ASCC3: variants seen among roughly 807,000 people sequenced by gnomAD.
ASCC3 encodes activating signal cointegrator 1 complex subunit 3.
A neutral mutation model predicts 256.3 loss-of-function variants in ASCC3; 158 were observed. The observed-to-expected ratio is 0.62, with a 90% CI of 0.54 to 0.70. ASCC3 has a LOEUF of 0.70. ASCC3 is among the 30% of genes least tolerant of loss of function. The probability of loss-of-function intolerance (pLI) is 0.00; values close to 1 mark genes in which losing one functional copy is unlikely to be tolerated. For synonymous variants in ASCC3, 948 were observed against 883.4 expected, an observed-to-expected ratio of 1.07 and a Z score of -1.30; for missense variants, 2,259 against 2,626.0, an observed-to-expected ratio of 0.86 and a Z score of 3.05.
At chr6:100,868,480 A>C (rs1582989507) in intron 1 of ASCC3, among the ~76,000 whole-genome samples, 1 of 152,196 alleles carries the variant, frequency 6.6e-6, no homozygotes, top group East Asian at 1.9e-4. Context: ...CTTGGCTTAA[A>C]AGATGCCTCC....
At chr6:100,702,724 T>TA (rs1203302334) in intron 13 of ASCC3, among the ~76,000 whole-genome samples, 1 of 152,154 alleles carries the variant, frequency 6.6e-6, no homozygotes, top group Non-Finnish European at 1.5e-5. Context: ...AGGTAAAAGG[T>TA]AAAATCAGCA....
chr6:100,735,233 T>C (rs951039572), intron 10 of ASCC3, among the ~76,000 whole-genome samples: 2 of 152,140 alleles, frequency 1.3e-5, no homozygotes, highest in African/African-American at 4.8e-5. Flanking sequence ...CCAATATCCA[T>C]TTTCTTTTCA....
intron 36 of ASCC3, among the ~76,000 whole-genome samples, chr6:100,561,213 C>T (rs1159167360): frequency 6.6e-6 from 1 of 151,868 alleles, no homozygotes; most frequent in African/African-American, 2.4e-5. Context: ...AATAAGCTCT[C>T]TAGCACGTTA....
intron 36 of ASCC3, among the ~76,000 whole-genome samples, chr6:100,582,828 C>G (rs545436998): frequency 0.033 from 5,001 of 151,952 alleles, 252 homozygotes; most frequent in African/African-American, 0.11. Context: ...GGCCTTTCCT[C>G]CATCTATTGA....
intron 4 of ASCC3, among the ~76,000 whole-genome samples, chr6:100,809,158 C>A (rs1562312170): frequency 6.6e-6 from 1 of 151,212 alleles, no homozygotes; most frequent in Non-Finnish European, 1.5e-5. Flanking sequence ...TTTGGCTACA[C>A]TACATTTATT....
Position 100,583,806 on chromosome 6 carries a change from C to T in ASCC3, c.5550+5828G>A, listed in dbSNP as rs1304208475. Among the ~76,000 whole-genome samples the T allele has an allele frequency of 2.6e-5, 4 of 152,220 alleles. 1 individual carries two copies. Among genetic ancestry groups the T allele is most frequent in the Middle Eastern group, 6.8e-3 (2 of 294 alleles). On this transcript the variant is annotated intron_variant, in intron 36 of 41. Coordinates refer to ENST00000369162, the MANE Select transcript of ASCC3 (RefSeq NM_006828.4). ...TGTGTGTCTTTGTTCTCGTTGGTTTCAAAGAACATCTTTATTTCTGCCTTC... is the reference window on the plus strand; with the variant it reads ...TGTGTGTCTTTGTTCTCGTTGGTTTTAAAGAACATCTTTATTTCTGCCTTC...
At chr6:100,641,576 C>G (rs759774059) in intron 24 of ASCC3, among the ~76,000 whole-genome samples, 3 of 152,194 alleles carry the variant, frequency 2.0e-5, no homozygotes, top group Non-Finnish European at 2.9e-5. Context: ...GGACTGTAAA[C>G]TAGTTCAACC....
intron 24 of ASCC3, among the ~76,000 whole-genome samples, chr6:100,640,385 T>C (rs974369779): frequency 7.9e-5 from 12 of 152,176 alleles, no homozygotes; most frequent in African/African-American, 2.9e-4. Flanking sequence ...GGTTACTTTG[T>C]ATATGTCTAA....
intron 14 of ASCC3, among the ~76,000 whole-genome samples, chr6:100,671,077 C>T (rs1322325174): frequency 6.6e-6 from 1 of 151,994 alleles, no homozygotes; most frequent in African/African-American, 2.4e-5. Flanking sequence ...GTGTATATAA[C>T]ATGATGCAAC....
At chr6:100,699,820 T>C (rs185684724) in intron 13 of ASCC3, among the ~76,000 whole-genome samples, 6 of 152,266 alleles carry the variant, frequency 3.9e-5, no homozygotes, top group Admixed American at 2.6e-4. Context: ...GCCCTTGCCA[T>C]AGAGATTTGT....
rs1777107439 is a variant in ASCC3 at position 100,677,890 on chromosome 6, GTTAT to G, written c.2286+1724_2286+1727del. 8.5e-5 allele frequency among the ~76,000 whole-genome samples: 13 copies of G among 152,122 alleles called. No individual in the cohort carries two copies. The South Asian group carries it at 2.7e-3, about 32-fold the overall frequency. Reference sequence around the variant, plus strand: ...TTGTATCAAAACTTTCCGTTTCTCTGTTATTTTTCTTCCAGCATAGTGATCTGTG... The same window carrying G: ...TTGTATCAAAACTTTCCGTTTCTCTGTTTTCTTCCAGCATAGTGATCTGTG... On this transcript the variant is annotated intron_variant, in intron 14 of 41. Transcript: ENST00000369162.
At chr6:100,778,673 T>C (rs1782306241) in intron 8 of ASCC3, among the ~76,000 whole-genome samples, 1 of 152,044 alleles carries the variant, frequency 6.6e-6, no homozygotes, top group Non-Finnish European at 1.5e-5. Flanking sequence ...TAACATAACT[T>C]AATAAACAAA....
chr6:100,874,464 CAAAAAAA>C (rs530326162), intron 1 of ASCC3, among the ~76,000 whole-genome samples: 1 of 77,622 alleles, frequency 1.3e-5, no homozygotes, highest in African/African-American at 5.3e-5. Flanking sequence ...GACTCTGTCT[CAAAAAAA>C]AAAAAAAAAA....
intron 11 of ASCC3, among the ~76,000 whole-genome samples, chr6:100,723,969 A>T (rs1779495505): frequency 6.8e-6 from 1 of 146,186 alleles, no homozygotes; most frequent in South Asian, 2.1e-4. Context: ...CATCATATAC[A>T]TATTATATAT....
At chr6:100,674,365 T>A (rs966978417) in intron 14 of ASCC3, among the ~76,000 whole-genome samples, 19 of 152,148 alleles carry the variant, frequency 1.2e-4, no homozygotes, top group Middle Eastern at 3.4e-3. Flanking sequence ...ATGTTTTAAG[T>A]TATTAAATTT....
chr6:100,867,172 A>G lies in ASCC3; in HGVS notation c.90+736T>C, dbSNP rs540107382. 1.6e-4 allele frequency among the ~76,000 whole-genome samples: 24 copies of G among 152,284 alleles called. No homozygotes were observed. In the South Asian group the frequency reaches 5.0e-3, roughly 32 times the overall value. ...AAAACAAAAATGATCTTCCAAAGTG[A>G]TAATTGCCCATTTTTGACCTAGTGA... On this transcript the variant is annotated intron_variant, in intron 2 of 41. Transcript: ENST00000369162.
chr6:100,672,251 AG>A (rs1776789907), intron 14 of ASCC3, among the ~76,000 whole-genome samples: 1 of 152,074 alleles, frequency 6.6e-6, no homozygotes, highest in African/African-American at 2.4e-5. Context: ...CCAGAATATA[AG>A]CTCCATAAGC....
At chr6:100,660,812 A>G (rs547845018) in intron 16 of ASCC3, among the ~76,000 whole-genome samples, 4 of 151,740 alleles carry the variant, frequency 2.6e-5, no homozygotes, top group East Asian at 1.9e-4. Flanking sequence ...GGAGAAACCT[A>G]TTTTCTCCTT....
intron 36 of ASCC3, among the ~76,000 whole-genome samples, chr6:100,589,120 A>G (rs938644286): frequency 1.4e-4 from 22 of 152,114 alleles, no homozygotes; most frequent in African/African-American, 5.3e-4. Flanking sequence ...TGAACACAGT[A>G]TAGTTTTTTA....
Sources: gnomAD v4.1 joint callset for allele counts (sites outside exome capture counted in the v4.1 genomes callset) on GRCh38, gnomAD v4.1.1 for gene constraint, MANE v1.5 for transcripts, NCBI Gene and HGNC (gene_info 2026-07-23, HGNC 2026-07-21) for gene names.